The following IQSEC1 variants were observed in gnomAD, a reference collection of about 807,000 sequenced individuals.
The protein encoded by IQSEC1 is IQ motif and Sec7 domain ArfGEF 1, also known as IQ motif and SEC7 domain-containing protein 1.
IQSEC1 carries 31 observed loss-of-function variants against 91.0 expected under a neutral mutation model. The observed-to-expected ratio is 0.34, with a 90% CI of 0.26 to 0.46. The LOEUF is 0.46. Ranked by LOEUF, IQSEC1 falls within the 20% of genes least tolerant of loss-of-function variation. IQSEC1 has a pLI of 1.00. For synonymous variants in IQSEC1, 699 were observed against 662.6 expected (o/e 1.05, Z -0.84); for missense variants, 1,388 against 1,575.6 (o/e 0.88, Z 2.02).
At chr3:13,146,868 A>G (rs750286554) in intron 2 of IQSEC1, among the ~76,000 whole-genome samples, 1 of 152,148 alleles carries the variant, frequency 6.6e-6, no homozygotes, top group African/African-American at 2.4e-5. Context: ...CAATGTGGCA[A>G]TCCTGCTCCG....
chr3:13,254,090 G>A (rs539703933), intron 1 of IQSEC1, among the ~76,000 whole-genome samples: 14 of 152,232 alleles, frequency 9.2e-5, no homozygotes, highest in Non-Finnish European at 1.5e-4. Flanking sequence ...ACAGTCAGCC[G>A]TCACGTTGAC....
rs1696974710 is a variant in IQSEC1 at position 12,924,864 on chromosome 3, C to T, written c.1569-122G>A. On this transcript the variant is annotated intron_variant, in intron 3 of 13. Coordinates refer to ENST00000613206, the MANE Select transcript of IQSEC1 (RefSeq NM_001134382.3). This position sits in a 1 kb window ranked among gnomAD's most constrained non-coding sequence, Gnocchi z 6.3. ...CTCCCTGCCCACCTGCACCGGCCTTCATCCCTGTAGGCATTCAGGGGTCTC... is the reference window on the plus strand; with the variant it reads ...CTCCCTGCCCACCTGCACCGGCCTTTATCCCTGTAGGCATTCAGGGGTCTC... 3.2e-6 allele frequency: 3 copies of T among 932,188 alleles called. No homozygotes were observed. Among genetic ancestry groups the T allele is most frequent in the South Asian group, 3.7e-5 (2 of 54,740 alleles). 57.7% of individuals were successfully genotyped at this position (932,188 alleles called of 1,614,324 possible).
Position 12,931,040 on chromosome 3 carries a change from C to T in IQSEC1, c.1568+4408G>A, listed in dbSNP as rs545078912. ...TGCTCCACCAGCTCTGACTTTTACA[C>T]GCACTTTCTGGTAGCGTGAACCCAA... On this transcript the variant is annotated intron_variant, in intron 3 of 13. Coordinates refer to ENST00000613206, the MANE Select transcript of IQSEC1 (RefSeq NM_001134382.3). 9.8e-5 allele frequency among the ~76,000 whole-genome samples: 15 copies of T among 152,300 alleles called. No individual in the cohort carries two copies. In the East Asian group the frequency reaches 1.4e-3, roughly 14 times the overall value.
At chr3:13,176,323 G>A (rs1693727669) in intron 1 of IQSEC1, among the ~76,000 whole-genome samples, 1 of 152,192 alleles carries the variant, frequency 6.6e-6, no homozygotes, top group South Asian at 2.1e-4. Flanking sequence ...AAGGTTTGAA[G>A]CCAGACGGTT....
intron 2 of IQSEC1, among the ~76,000 whole-genome samples, chr3:13,087,102 C>A (rs188686678): frequency 4.7e-4 from 72 of 152,308 alleles, no homozygotes; most frequent in Non-Finnish European, 7.6e-4. Flanking sequence ...CATGCCACAC[C>A]CTTTGAAGGT....
chr3:13,274,189 C>T (rs1429118521), intron 1 of IQSEC1, among the ~76,000 whole-genome samples: 8 of 152,246 alleles, frequency 5.3e-5, no homozygotes, highest in Non-Finnish European at 1.2e-4. Context: ...CATCCACAAA[C>T]ATGCCTGCCC....
rs527408042 is a variant in IQSEC1, at chr3:13,235,009, G to A, written c.272+47702C>T. On this transcript the variant is annotated intron_variant, in intron 1 of 15. Coordinates refer to the IQSEC1 transcript ENST00000648114. ...GGAGAGGTGGATGTGTGGAGCCGGG[G>A]CATGGGGCCCACGGGTCTGGGGACG... 5.9e-5 allele frequency among the ~76,000 whole-genome samples: 9 copies of A among 152,290 alleles called. No individual in the cohort carries two copies. In the South Asian group the frequency reaches 1.9e-3, roughly 32 times the overall value.
intron 12 of IQSEC1, among the ~76,000 whole-genome samples, chr3:12,907,384 G>C (rs1035043612): frequency 6.6e-6 from 1 of 152,178 alleles, no homozygotes; most frequent in African/African-American, 2.4e-5. Context: ...GGAATGGGGG[G>C]GTCTTCCCAA....
chr3:13,189,012 G>A (rs533260719), intron 1 of IQSEC1, among the ~76,000 whole-genome samples: 186 of 152,328 alleles, frequency 1.2e-3, no homozygotes, highest in Non-Finnish European at 2.1e-3. Context: ...TTTAGACTTT[G>A]AATCTTGGCC....
intron 3 of IQSEC1, among the ~76,000 whole-genome samples, chr3:12,928,428 G>A (rs1697356063): frequency 6.6e-6 from 1 of 152,208 alleles, no homozygotes; most frequent in African/African-American, 2.4e-5. Context: ...GACCTGAGGG[G>A]AACTAGGGAG....
chr3:13,122,971 C>T (rs990025877), intron 2 of IQSEC1, among the ~76,000 whole-genome samples: 17 of 152,102 alleles, frequency 1.1e-4, no homozygotes, highest in African/African-American at 4.1e-4. Context: ...TGTCTTTCTG[C>T]GCCCTCCCTG....
At chr3:13,279,769 G>A (rs1464790850) in intron 1 of IQSEC1, among the ~76,000 whole-genome samples, 1 of 152,190 alleles carries the variant, frequency 6.6e-6, no homozygotes, top group Non-Finnish European at 1.5e-5. Context: ...CTGTGTGCAG[G>A]TAGGGGGAAA....
rs372297620 is a variant in IQSEC1 at position 12,908,492 on chromosome 3, G to A, written c.2612C>T (p.Pro871Leu). 7.4e-6 allele frequency: 12 copies of A among 1,613,644 alleles called. No homozygotes were observed. Among genetic ancestry groups the A allele is most frequent in the Non-Finnish European group, 1.0e-5 (12 of 1,180,022 alleles). ...ELEKQKGVVRPSMSQCSSLKK... is the reference protein window; with the variant it reads ...ELEKQKGVVRLSMSQCSSLKK... ...GAGGCTAGAGCACTGGGACATGCTG[G>A]GCCGCACGACGCCTTTCTGCTTCTC... The change falls in exon 12 of 14, where the codon CCC (proline) becomes CTC (leucine). Residue 871 changes from proline (P) to leucine (L), a missense_variant. This residue lies in a region of IQSEC1 where 1,059 missense variants were observed against 1,317.8 expected (regional missense o/e 0.80). Transcript: ENST00000613206. The surrounding 1 kb of genome is among the most constrained non-coding windows in gnomAD (Gnocchi z 4.9).
Position 12,927,493 on chromosome 3 carries a change from A to T in IQSEC1, c.1569-2751T>A, listed in dbSNP as rs186249314. On this transcript the variant is annotated intron_variant, in intron 3 of 13. Transcript: ENST00000613206. ...CCAGGCTGTCTGGTCCCTCCAGGCCACCGCTGCAGTGACCAGGTCCAGGCC... is the reference window on the plus strand; with the variant it reads ...CCAGGCTGTCTGGTCCCTCCAGGCCTCCGCTGCAGTGACCAGGTCCAGGCC... 2.0e-5 allele frequency among the ~76,000 whole-genome samples: 3 copies of T among 152,220 alleles called. No homozygotes were observed. In the East Asian group the frequency reaches 5.8e-4, roughly 30 times the overall value.
chr3:12,958,705 G>A (rs1466587737), intron 1 of IQSEC1, among the ~76,000 whole-genome samples: 1 of 152,238 alleles, frequency 6.6e-6, no homozygotes, highest in Non-Finnish European at 1.5e-5. Context: ...TGGCTGGGAT[G>A]TGGCCATGCC....
At chr3:13,071,431 G>A (rs413245) in intron 1 of IQSEC1, among the ~76,000 whole-genome samples, 78,264 of 151,756 alleles carry the variant, frequency 0.52, 20,397 homozygotes, top group East Asian at 0.65. Flanking sequence ...CCTCCCCGAT[G>A]TAACAGCCCT....
chr3:13,215,302 A>G (rs1295599631), intron 1 of IQSEC1, among the ~76,000 whole-genome samples: 1 of 151,234 alleles, frequency 6.6e-6, no homozygotes. Flanking sequence ...CTGCCTGATG[A>G]AATCGAGAGG....
intron 1 of IQSEC1, among the ~76,000 whole-genome samples, chr3:13,025,629 A>AG (rs1703584159): frequency 1.3e-5 from 2 of 152,164 alleles, no homozygotes; most frequent in South Asian, 4.1e-4. Context: ...CTGTGGTCTT[A>AG]GGGCCTTGAG....
At chr3:13,098,470 A>G (rs1706001977) in intron 2 of IQSEC1, among the ~76,000 whole-genome samples, 1 of 152,332 alleles carries the variant, frequency 6.6e-6, no homozygotes. Context: ...ACGGTCTACA[A>G]AGAAAAGAAA....
Sources: gnomAD v4.1 joint callset for allele counts (sites outside exome capture counted in the v4.1 genomes callset) on GRCh38, gnomAD v4.1.1 for gene constraint, gnomAD v4.1.1 regional missense constraint, Gnocchi (gnomAD v3.1) non-coding constraint, MANE v1.5 for transcripts, NCBI Gene and HGNC (gene_info 2026-07-23, HGNC 2026-07-21) for gene names.